Variants in PTGES observed in about 807,000 individuals in gnomAD.
PTGES encodes MGST1-like 1.
In PTGES, 3 loss-of-function variants were observed where a neutral mutation model predicts 11.8. That is an observed-to-expected ratio of 0.25 (90% CI 0.12 to 0.66). PTGES has a LOEUF of 0.66. Among genes scored for constraint, PTGES ranks in the 30% least tolerant of loss-of-function variants. The probability of loss-of-function intolerance (pLI) is 0.82; values close to 1 mark genes in which losing one functional copy is unlikely to be tolerated. For missense variants in PTGES, 180 were observed against 213.0 expected (o/e 0.85, Z 0.96); for synonymous variants, 94 against 90.4 (o/e 1.04, Z -0.22).
In PTGES at chr9:129,745,383, C is replaced by T. The variant is rs1341548305; in HGVS notation, c.209+3272G>A. On this transcript the variant is annotated intron_variant, in intron 2 of 2. Transcript: ENST00000340607. This position sits in a 1 kb window ranked among gnomAD's most constrained non-coding sequence, Gnocchi z 4.2. ...CAAGAACCAAGACTGAAGTGCTTTC[C>T]TATTTGACAGAAGGGTGACTCGAAT... is the stretch of plus-strand genomic sequence containing the variant. 6.6e-6 allele frequency among the ~76,000 whole-genome samples: 1 copy of T among 152,362 alleles called. No individual in the cohort carries two copies. The highest frequency in any genetic ancestry group is 2.1e-4 in the South Asian group (1 of 4,832).
At chr9:129,741,613 G>A (rs1474509761) in intron 2 of PTGES, among the ~76,000 whole-genome samples, 1 of 152,164 alleles carries the variant, frequency 6.6e-6, no homozygotes. Flanking sequence ...CTGCCCTCAG[G>A]GAAGACATAA....
At chr9:129,744,680 C>A (rs1833033719) in intron 2 of PTGES, among the ~76,000 whole-genome samples, 1 of 151,620 alleles carries the variant, frequency 6.6e-6, no homozygotes, top group South Asian at 2.1e-4. Flanking sequence ...AGTTCAAGAC[C>A]AGCCTAGCCA....
rs1389481274 is a variant in PTGES at position 129,739,741 on chromosome 9, C to T, written c.329G>A (p.Arg110His). ...CAGGTAGGCCACGGTGTGTGCCACA[C>T]GGCCCACGAGGAAGACCAGGAAGTG... ...WMHFLVFLVG[R>H]VAHTVAYLGK... is the part of the protein sequence containing the mutation. Residue 110 changes from arginine (R) to histidine (H), a missense_variant, in exon 3 of 3, where the codon CGT becomes CAT. Physicochemically the swap from Arg to His is conservative, Grantham distance 29. Transcript: ENST00000340607. The surrounding 1 kb of genome is among the most constrained non-coding windows in gnomAD (Gnocchi z 5.7). 1.9e-6 allele frequency: 3 copies of T among 1,581,068 alleles called. No homozygotes were observed. Among genetic ancestry groups the T allele is most frequent in the Non-Finnish European group, 2.6e-6 (3 of 1,163,334 alleles).
In PTGES at chr9:129,753,003, G is replaced by T. The variant is rs763241544; in HGVS notation, c.10C>A (p.His4Asn). MPA[H>N]SLVMSSPALP... ...GCCGGGCTGCTCATCACCAGGCTGT[G>T]GGCAGGCATCTCTGGCCAGCGCAGC... Residue 4 changes from histidine to asparagine, a missense_variant, in exon 1 of 3, where the codon CAC becomes AAC. By Grantham distance (68) the His-to-Asn change is moderately conservative. Transcript: ENST00000340607. 10 of 1,605,892 alleles carry T rather than the reference G, an allele frequency of 6.2e-6. No individual in the cohort carries two copies. The East Asian group carries it at 2.2e-4, about 36-fold the overall frequency.
chr9:129,742,190 TG>T (rs1336513916), intron 2 of PTGES, among the ~76,000 whole-genome samples: 2 of 150,822 alleles, frequency 1.3e-5, no homozygotes, highest in African/African-American at 4.9e-5. Flanking sequence ...CTGTACATGG[TG>T]GTGTGTGCTT....
At chr9:129,747,925 G>C (rs538179296) in intron 2 of PTGES, among the ~76,000 whole-genome samples, 1 of 147,458 alleles carries the variant, frequency 6.8e-6, no homozygotes, top group Non-Finnish European at 1.5e-5. Context: ...CAGGAGAATC[G>C]CTTGAACTCG....
At chr9:129,752,248 G>T (rs45603042) in intron 1 of PTGES, among the ~76,000 whole-genome samples, 262 of 152,336 alleles carry the variant, frequency 1.7e-3, no homozygotes, top group African/African-American at 6.2e-3. Flanking sequence ...CTGCCGCCAG[G>T]ACAGCCGACA....
At chr9:129,740,707 C>T (rs1588185303) in intron 2 of PTGES, among the ~76,000 whole-genome samples, 1 of 152,172 alleles carries the variant, frequency 6.6e-6, no homozygotes, top group South Asian at 2.1e-4. Context: ...TCACATTTTC[C>T]AGACTCCTAC....
chr9:129,752,978 G>C lies in PTGES; in HGVS notation c.35C>G (p.Ala12Gly), dbSNP rs778696360. 7.5e-6 allele frequency: 12 copies of C among 1,609,830 alleles called. No homozygotes were observed. The highest frequency in any genetic ancestry group is 1.3e-5 in the African/African-American group (1 of 74,954). Residue 12 changes from alanine to glycine, a missense_variant, in exon 1 of 3, where the codon GCC becomes GGC. By Grantham distance (60) the Ala-to-Gly change is moderately conservative. Coordinates refer to ENST00000340607, the MANE Select transcript of PTGES (RefSeq NM_004878.5). Reference protein sequence around the residue: ...PAHSLVMSSPALPAFLLCSTL... With the variant: ...PAHSLVMSSPGLPAFLLCSTL... ...GCTGCAGAGCAGGAAGGCCGGGAGG[G>C]CCGGGCTGCTCATCACCAGGCTGTG...
rs1468379899 is a variant in PTGES at position 129,739,254 on chromosome 9, C to CT, written c.*356dup. On this transcript the variant is annotated 3_prime_UTR_variant, in exon 3 of 3. Coordinates refer to ENST00000340607, the MANE Select transcript of PTGES (RefSeq NM_004878.5). This position sits in a 1 kb window ranked among gnomAD's most constrained non-coding sequence, Gnocchi z 5.7. ...TCAGATGATCATTAGGTTTGGGAATCTTAAATAGAGTCTCCCTTCTCTCTT... is the reference window on the plus strand; with the variant it reads ...TCAGATGATCATTAGGTTTGGGAATCTTTAAATAGAGTCTCCCTTCTCTCTT... 4.7e-6 allele frequency: 1 copy of CT among 212,476 alleles called. No individual in the cohort carries two copies. The highest frequency in any genetic ancestry group is 5.3e-5 in the Admixed American group (1 of 18,924). The allele number at this position is 212,476 out of a possible 1,614,324, so 13.2% of individuals were successfully genotyped here. A position where few individuals can be genotyped will look rare whatever the true frequency, so the allele number is the denominator to read the frequency against.
At chr9:129,744,398 C>T (rs545405362) in intron 2 of PTGES, among the ~76,000 whole-genome samples, 6 of 152,016 alleles carry the variant, frequency 3.9e-5, no homozygotes, top group African/African-American at 1.2e-4. Context: ...AGCAAGATCC[C>T]GTCTCTACAA....
chr9:129,752,835 G>T, intron 1 of PTGES, 52 bp downstream of exon 1: 2 of 1,613,068 alleles, frequency 1.2e-6, no homozygotes, highest in Non-Finnish European at 1.7e-6. Context: ...CTGACAGGAC[G>T]TGGAGAGAAG....
At position 129,752,896 on chromosome 9, in the gene PTGES, C is replaced by A. The variant is rs1468592939; in HGVS notation, c.117G>T (p.Leu39=). 1 of 1,614,022 alleles carries A rather than the reference C, an allele frequency of 6.2e-7. No homozygotes were observed. Among genetic ancestry groups the A allele is most frequent in the Non-Finnish European group, 8.5e-7 (1 of 1,180,044 alleles). The part of the protein sequence containing the change: ...VVAIITGQVR[L]RKKAFANPED... ...CCAGGGAGGCACATACCTTCTTCCG[C>A]AGCCTCACTTGGCCCGTGATGATGG... Residue 39 remains leucine, a synonymous_variant, in exon 1 of 3, where the codon CTG becomes CTT. Coordinates refer to ENST00000340607, the MANE Select transcript of PTGES (RefSeq NM_004878.5).
chr9:129,742,346 A>AAC (rs1564162260), intron 2 of PTGES, among the ~76,000 whole-genome samples: 1 of 130,332 alleles, frequency 7.7e-6, no homozygotes, highest in Admixed American at 7.3e-5. Context: ...AAAAAAAAAA[A>AAC]AAAACATAAA....
At chr9:129,744,571 C>CA (rs60799589) in intron 2 of PTGES, among the ~76,000 whole-genome samples, 2,557 of 50,358 alleles carry the variant, frequency 0.051, 63 homozygotes, top group Non-Finnish European at 0.061. Flanking sequence ...GACCCTGTCA[C>CA]AAAAAAAAAA....
At position 129,752,409 on chromosome 9, in the gene PTGES, C is replaced by T. The variant is rs57994131; in HGVS notation, c.126+478G>A. Among the ~76,000 whole-genome samples the T allele has an allele frequency of 1.9e-3, 287 of 152,312 alleles. 2 individuals carry two copies. The highest frequency in any genetic ancestry group is 6.5e-3 in the African/African-American group (270 of 41,578). ...CCTCGCTGAGCACCCCGACGGTGCC[C>T]GGCTGGGAGCTGGCCTTTGGAGGCT... On this transcript the variant is annotated intron_variant, in intron 1 of 2. Transcript: ENST00000340607.
Position 129,739,447 on chromosome 9 carries a change from C to A in PTGES, c.*164G>T. ...ACACACACACATACACACACACGGGCACACACACAGGCCCACTGTGCCCAG... is the reference window on the plus strand; with the variant it reads ...ACACACACACATACACACACACGGGAACACACACAGGCCCACTGTGCCCAG... On this transcript the variant is annotated 3_prime_UTR_variant, in exon 3 of 3. Coordinates refer to ENST00000340607, the MANE Select transcript of PTGES (RefSeq NM_004878.5). The surrounding 1 kb of genome is among the most constrained non-coding windows in gnomAD (Gnocchi z 5.7). The A allele has an allele frequency of 2.1e-6, 2 of 940,552 alleles. No individual in the cohort carries two copies. Among genetic ancestry groups the A allele is most frequent in the South Asian group, 1.7e-5 (1 of 57,332 alleles). The allele number at this position is 940,552 out of a possible 1,614,324, so 58.3% of individuals were successfully genotyped here.
chr9:129,741,253 CA>C (rs1461422268), intron 2 of PTGES, among the ~76,000 whole-genome samples: 1 of 152,186 alleles, frequency 6.6e-6, no homozygotes, highest in Non-Finnish European at 1.5e-5. Context: ...ACAATAAGCA[CA>C]GCATGTTCAA....
At position 129,739,728 on chromosome 9, in the gene PTGES, G is replaced by A. The variant is rs199741212; in HGVS notation, c.342C>T (p.Thr114=). The change falls in exon 3 of 3, where the codon ACC becomes ACT. Residue 114 remains threonine (T), a synonymous_variant. Transcript: ENST00000340607. The surrounding 1 kb of genome is among the most constrained non-coding windows in gnomAD (Gnocchi z 5.7). ...CCCGCAGCTTCCCCAGGTAGGCCACGGTGTGTGCCACACGGCCCACGAGGA... is the reference window on the plus strand; with the variant it reads ...CCCGCAGCTTCCCCAGGTAGGCCACAGTGTGTGCCACACGGCCCACGAGGA... The part of the protein sequence containing the change: ...LVFLVGRVAH[T]VAYLGKLRAP... 118 of 1,579,520 alleles carry A rather than the reference G, an allele frequency of 7.5e-5. No individual in the cohort carries two copies. In the African/African-American group the frequency reaches 1.2e-3, roughly 16 times the overall value.
Sources: allele counts gnomAD v4.1 joint callset (sites outside exome capture counted in the v4.1 genomes callset), GRCh38; gene constraint gnomAD v4.1.1; non-coding constraint Gnocchi (gnomAD v3.1); transcripts MANE v1.5; gene names NCBI Gene and HGNC (gene_info 2026-07-23, HGNC 2026-07-21).